The following ADGRV1 variants were observed in gnomAD, a reference collection of about 807,000 sequenced individuals.
ADGRV1 encodes the protein adhesion G protein-coupled receptor V1.
ADGRV1 carries 359 observed loss-of-function variants against 596.2 expected under a neutral mutation model. That is an observed-to-expected ratio of 0.60 (90% confidence interval 0.55 to 0.66). The LOEUF (loss-of-function observed/expected upper bound fraction) is 0.66, where lower values mean the gene tolerates loss of function less well. ADGRV1 is among the 30% of genes least tolerant of loss of function. ADGRV1 has a pLI of 0.00. For missense variants in ADGRV1, 7,274 were observed against 7,575.6 expected (o/e 0.96, Z 1.48); for synonymous variants, 2,681 against 2,679.2 (o/e 1.00, Z -0.02).
At chr5:91,054,094 T>A (rs1470503817) in intron 85 of ADGRV1, among the ~76,000 whole-genome samples, 35 of 128,730 alleles carry the variant, frequency 2.7e-4, no homozygotes, top group African/African-American at 1.1e-3. Flanking sequence ...TGTGTGTGTG[T>A]GTGTGTGTGA....
At chr5:90,882,729 G>A (rs191319022) in intron 83 of ADGRV1, among the ~76,000 whole-genome samples, 491 of 152,144 alleles carry the variant, frequency 3.2e-3, no homozygotes, top group African/African-American at 0.01. Flanking sequence ...AGGGCATATG[G>A]ATTAAGGTAA....
At chr5:90,617,560 G>A (rs922733005) in intron 2 of ADGRV1, 23 of 293,334 alleles carry the variant, frequency 7.8e-5, no homozygotes, top group African/African-American at 4.4e-4. Context: ...CGCCCGTGTC[G>A]GCCTCCCAAA....
intron 21 of ADGRV1, among the ~76,000 whole-genome samples, chr5:90,668,594 G>A (rs1028326306): frequency 2.0e-5 from 3 of 151,874 alleles, no homozygotes; most frequent in Non-Finnish European, 4.4e-5. Flanking sequence ...GCTGGGAGCT[G>A]TAGACCAGAG....
At chr5:91,036,951 A>G (rs1784964460) in intron 85 of ADGRV1, among the ~76,000 whole-genome samples, 1 of 152,176 alleles carries the variant, frequency 6.6e-6, no homozygotes, top group Admixed American at 6.5e-5. Context: ...ACTCTGATGG[A>G]TCTGAAATAC....
chr5:90,769,370 T>C (rs1421696858), intron 59 of ADGRV1, among the ~76,000 whole-genome samples: 2 of 152,218 alleles, frequency 1.3e-5, no homozygotes, highest in African/African-American at 4.8e-5. Context: ...CTATTATGTC[T>C]TTCCTCTCTT....
chr5:90,664,082 C>G (rs543362791), intron 21 of ADGRV1, among the ~76,000 whole-genome samples: 1 of 140,448 alleles, frequency 7.1e-6, no homozygotes, highest in East Asian at 2.2e-4. Context: ...CTTAGGATTG[C>G]CTTGGCGATG....
chr5:90,851,185 A>G (rs1477193705), intron 79 of ADGRV1, among the ~76,000 whole-genome samples: 1 of 140,818 alleles, frequency 7.1e-6, no homozygotes, highest in African/African-American at 2.6e-5. Flanking sequence ...CTGACTTTGG[A>G]TTTTAGAGAC....
At chr5:91,108,836 A>T (rs1004846264) in intron 87 of ADGRV1, among the ~76,000 whole-genome samples, 2 of 152,002 alleles carry the variant, frequency 1.3e-5, no homozygotes, top group Admixed American at 6.6e-5. Flanking sequence ...GCCTCGAGTG[A>T]TCCTCCCACC....
intron 38 of ADGRV1, among the ~76,000 whole-genome samples, chr5:90,707,323 T>C (rs1748731065): frequency 1.3e-5 from 2 of 152,096 alleles, no homozygotes; most frequent in Admixed American, 6.6e-5. Flanking sequence ...TAGGAGATAG[T>C]GTGTAGGATA....
chr5:90,935,667 G>A (rs553389966), intron 83 of ADGRV1, among the ~76,000 whole-genome samples: 1 of 152,250 alleles, frequency 6.6e-6, no homozygotes, highest in Non-Finnish European at 1.5e-5. Flanking sequence ...CAAAATTTAT[G>A]CCCTTACACC....
intron 87 of ADGRV1, among the ~76,000 whole-genome samples, chr5:91,116,864 G>A (rs75928279): frequency 0.056 from 8,583 of 152,204 alleles, 349 homozygotes; most frequent in East Asian, 0.15. Context: ...ATTTAATTTG[G>A]CATGTGATAC....
chr5:90,605,941 GAAAA>G (rs1762063762), intron 1 of ADGRV1, among the ~76,000 whole-genome samples: 1 of 151,344 alleles, frequency 6.6e-6, no homozygotes, highest in Non-Finnish European at 1.5e-5. Context: ...GAAAAAAAAA[GAAAA>G]AGAAAGTACT....
At chr5:90,854,332 A>G in intron 81 of ADGRV1, 131 bp downstream of exon 81, 1 of 604,770 alleles carries the variant, frequency 1.7e-6, no homozygotes, top group Non-Finnish European at 2.8e-6. Context: ...CCTCCACAAT[A>G]AATAAGAGGA....
chr5:90,631,334 T>C (rs1224742461), intron 9 of ADGRV1, among the ~76,000 whole-genome samples: 3 of 152,184 alleles, frequency 2.0e-5, no homozygotes, highest in African/African-American at 7.2e-5. Flanking sequence ...CCCGCGTTTT[T>C]TTAAGCTGAG....
At chr5:90,568,913 C>T (rs941624451) in intron 1 of ADGRV1, among the ~76,000 whole-genome samples, 1 of 151,934 alleles carries the variant, frequency 6.6e-6, no homozygotes, top group Non-Finnish European at 1.5e-5. Context: ...CTATTTTGTC[C>T]AATATTAATG....
chr5:90,627,835 G>A (rs1764976077), intron 7 of ADGRV1, 59 bp downstream of exon 7: 1 of 1,065,532 alleles, frequency 9.4e-7, no homozygotes, highest in African/African-American at 1.6e-5. Context: ...CCAGATTTAA[G>A]TTTTGTGGTG....
At chr5:90,565,138 G>A (rs911694265) in intron 1 of ADGRV1, among the ~76,000 whole-genome samples, 1 of 152,134 alleles carries the variant, frequency 6.6e-6, no homozygotes, top group Non-Finnish European at 1.5e-5. Flanking sequence ...TTGGGAGGCT[G>A]AGTCAAGAGA....
chr5:90,957,489 T>C (rs1415061437), intron 83 of ADGRV1, among the ~76,000 whole-genome samples: 2 of 150,010 alleles, frequency 1.3e-5, no homozygotes, highest in Non-Finnish European at 3.0e-5. Context: ...TAAAAGCATA[T>C]TAAAATACCT....
intron 83 of ADGRV1, among the ~76,000 whole-genome samples, chr5:90,944,745 T>C (rs553889378): frequency 1.6e-4 from 24 of 152,216 alleles, no homozygotes; most frequent in Non-Finnish European, 1.9e-4. Context: ...GTTCGAATTA[T>C]TTAATTGACA....
Sources: allele counts gnomAD v4.1 joint callset (sites outside exome capture counted in the v4.1 genomes callset), GRCh38; gene constraint gnomAD v4.1.1; transcripts MANE v1.5; gene names NCBI Gene and HGNC (gene_info 2026-07-23, HGNC 2026-07-21).